SPATA13: variants seen among roughly 807,000 people sequenced by gnomAD.
The protein encoded by SPATA13 is spermatogenesis associated 13.
Under a neutral mutation model 104.0 loss-of-function variants are expected in SPATA13, and 50 were observed. That is an observed-to-expected ratio of 0.48 (90% CI 0.38 to 0.61). The LOEUF (loss-of-function observed/expected upper bound fraction) is 0.61. SPATA13 is among the 20% of genes least tolerant of loss of function. The pLI, the probability that SPATA13 is intolerant of heterozygous loss-of-function variation, is 0.00. For synonymous variants in SPATA13, 606 were observed against 667.5 expected, an observed-to-expected ratio of 0.91 and a Z score of 1.42; for missense variants, 1,524 against 1,690.6, an observed-to-expected ratio of 0.90 and a Z score of 1.73.
intron 2 of SPATA13, among the ~76,000 whole-genome samples, chr13:24,242,793 T>C (rs1872921736): frequency 6.6e-6 from 1 of 152,228 alleles, no homozygotes; most frequent in Admixed American, 6.5e-5. Flanking sequence ...GTTCCTGCTT[T>C]CAACTCCTCA....
intron 1 of SPATA13, among the ~76,000 whole-genome samples, chr13:24,191,978 C>T (rs748693126): frequency 3.2e-4 from 49 of 152,052 alleles, no homozygotes; most frequent in Admixed American, 2.3e-3. Flanking sequence ...TATTACAGGG[C>T]GAAAAGGGAA....
At chr13:24,117,064 A>G (rs1880871006) in intron 3 of SPATA13, among the ~76,000 whole-genome samples, 1 of 152,200 alleles carries the variant, frequency 6.6e-6, no homozygotes, top group African/African-American at 2.4e-5. Context: ...CACGCAGTCT[A>G]TGGAATTTTG....
At chr13:24,244,056 G>A (rs1359759905) in intron 2 of SPATA13, among the ~76,000 whole-genome samples, 1 of 152,182 alleles carries the variant, frequency 6.6e-6, no homozygotes, top group Non-Finnish European at 1.5e-5. Context: ...TCCAAGGTGC[G>A]AAGGGGGCTT....
intron 3 of SPATA13, among the ~76,000 whole-genome samples, chr13:24,130,525 T>C (rs143832809): frequency 2.7e-4 from 41 of 152,320 alleles, no homozygotes; most frequent in African/African-American, 8.9e-4. Context: ...TCTGATTTAT[T>C]GACTACCTTT....
intron 3 of SPATA13, among the ~76,000 whole-genome samples, chr13:24,022,610 A>G (rs553524782): frequency 6.6e-6 from 1 of 152,336 alleles, no homozygotes; most frequent in East Asian, 1.9e-4. Context: ...TTTAAGTTAT[A>G]TGTTTTCCAC....
At chr13:24,191,593 TCTG>T in intron 1 of SPATA13, among the ~76,000 whole-genome samples, 5 of 142,024 alleles carry the variant, frequency 3.5e-5, no homozygotes, top group Admixed American at 7.6e-5. Flanking sequence ...CACTGCAAGC[TCTG>T]CCACCTGGGT....
intron 2 of SPATA13, among the ~76,000 whole-genome samples, chr13:23,987,303 G>A (rs1247715822): frequency 2.0e-5 from 3 of 152,080 alleles, no homozygotes; most frequent in Non-Finnish European, 2.9e-5. Context: ...GTCTATGACC[G>A]GGAAATGAGG....
chr13:24,106,757 A>G lies in SPATA13; in HGVS notation c.-112+89056A>G, dbSNP rs1880467679. ...GCACTTTACAGAGGTCCCACATGAG[A>G]GCTATAAAACCAAGAACCTGCCAAA... On this transcript the variant is annotated intron_variant, in intron 3 of 14. Transcript: ENST00000424834. Among the ~76,000 whole-genome samples, 4 of 152,208 alleles carry G rather than the reference A, an allele frequency of 2.6e-5. No individual in the cohort carries two copies. In the South Asian group the frequency reaches 6.2e-4, roughly 24 times the overall value.
rs1207046363 is a variant in SPATA13 at position 24,302,749 on chromosome 13, C to T, written c.3810C>T (p.Asn1270=). ...RKSSLFWHTF[N]RLTPFRK ...CCTCGCTCTTCTGGCACACCTTCAA[C>T]AGGCTCACCCCCTTCCGGAAATGAA... Residue 1270 remains asparagine, a synonymous_variant, in exon 13 of 13, where the codon AAC becomes AAT. Coordinates refer to ENST00000382108, the MANE Select transcript of SPATA13 (RefSeq NM_001166271.3). The T allele has an allele frequency of 6.2e-7, 1 of 1,614,084 alleles. No individual in the cohort carries two copies. Among genetic ancestry groups the T allele is most frequent in the Non-Finnish European group, 8.5e-7 (1 of 1,180,056 alleles).
At chr13:24,037,673 G>T (rs1406370498) in intron 3 of SPATA13, among the ~76,000 whole-genome samples, 2 of 152,022 alleles carry the variant, frequency 1.3e-5, no homozygotes, top group African/African-American at 2.4e-5. Flanking sequence ...CTTCCAAAGA[G>T]CTGAGATTAC....
upstream of SPATA13, among the ~76,000 whole-genome samples, chr13:24,156,333 CATTCGTA>C (rs1882255929): frequency 6.6e-6 from 1 of 152,140 alleles, no homozygotes; most frequent in African/African-American, 2.4e-5. Flanking sequence ...CTGCCCTGCC[CATTCGTA>C]TTCCCCCCTC....
In SPATA13 at chr13:24,093,157, G is replaced by T. The variant is rs527836263; in HGVS notation, c.-112+75456G>T. On this transcript the variant is annotated intron_variant, in intron 3 of 14. Coordinates refer to the SPATA13 transcript ENST00000424834. Reference sequence around the variant, plus strand: ...ATAAACAGGCCCTATATTTCATAAGGTTAAAAGGTCAGGCTGCCTGAGAGA... The same window carrying T: ...ATAAACAGGCCCTATATTTCATAAGTTTAAAAGGTCAGGCTGCCTGAGAGA... Among the ~76,000 whole-genome samples, 48 of 152,332 alleles carry T rather than the reference G, an allele frequency of 3.2e-4. 1 individual carries two copies. Among genetic ancestry groups the T allele is most frequent in the African/African-American group, 1.1e-3 (47 of 41,566 alleles).
At position 24,249,852 on chromosome 13, in the gene SPATA13, G is replaced by A. The variant is rs753717842; in HGVS notation, c.2019+10G>A. 7.0e-6 allele frequency: 11 copies of A among 1,579,046 alleles called. No homozygotes were observed. Among genetic ancestry groups the A allele is most frequent in the Admixed American group, 1.8e-5 (1 of 56,004 alleles). On this transcript the variant is annotated intron_variant, in intron 3 of 12. Transcript: ENST00000382108. ...CAATCTTCTGACCCAAGTAAGATCT[G>A]GTGTGCACTTCCCCAAGCCAGCAGA...
At chr13:24,256,761 GT>G (rs1219572494) in intron 4 of SPATA13, among the ~76,000 whole-genome samples, 30 of 152,220 alleles carry the variant, frequency 2.0e-4, no homozygotes, top group Non-Finnish European at 4.0e-4. Flanking sequence ...CCTGAGTCAT[GT>G]TTGTAGGCTA....
rs755577308 is a variant in SPATA13 at position 24,297,422 on chromosome 13, C to T, written c.3270C>T (p.Ile1090=). 1.9e-6 allele frequency: 3 copies of T among 1,614,070 alleles called. No individual in the cohort carries two copies. The highest frequency in any genetic ancestry group is 3.3e-5 in the Admixed American group (2 of 60,012). Residue 1090 remains isoleucine (I), a synonymous_variant, in exon 11 of 13, where the codon ATC becomes ATT. Transcript: ENST00000382108. ...ELIHSGELTK[I]TKQGKSQQRT... is the part of the protein sequence containing the mutation. ...TTCATTCTGGGGAGCTGACCAAAATCACTAAGCAAGGCAAAAGCCAGCAGC... is the reference window on the plus strand; with the variant it reads ...TTCATTCTGGGGAGCTGACCAAAATTACTAAGCAAGGCAAAAGCCAGCAGC...
intron 3 of SPATA13, among the ~76,000 whole-genome samples, chr13:24,073,715 TC>T (rs1274025557): frequency 6.6e-6 from 1 of 152,254 alleles, no homozygotes; most frequent in Non-Finnish European, 1.5e-5. Context: ...TGAGCCTAGT[TC>T]TCAAGCCATC....
chr13:24,040,606 A>T (rs1333183584), intron 3 of SPATA13, among the ~76,000 whole-genome samples: 1 of 152,116 alleles, frequency 6.6e-6, no homozygotes, highest in Non-Finnish European at 1.5e-5. Flanking sequence ...GGGGTCCAGG[A>T]CACAAAGCCT....
chr13:24,079,450 G>A (rs943678221), intron 3 of SPATA13, among the ~76,000 whole-genome samples: 13 of 152,120 alleles, frequency 8.5e-5, no homozygotes, highest in African/African-American at 2.4e-4. Flanking sequence ...GAGGACTCCC[G>A]GTCTGGGCTT....
chr13:24,151,829 C>T (rs1229872109), intron 3 of SPATA13, among the ~76,000 whole-genome samples: 1 of 152,200 alleles, frequency 6.6e-6, no homozygotes, highest in Non-Finnish European at 1.5e-5. Context: ...ATTTAATAGA[C>T]TTTACCATTT....
Sources: gnomAD v4.1 joint callset for allele counts (sites outside exome capture counted in the v4.1 genomes callset) on GRCh38, gnomAD v4.1.1 for gene constraint, MANE v1.5 for transcripts, NCBI Gene and HGNC (gene_info 2026-07-23, HGNC 2026-07-21) for gene names.